Variants in RCAN2 observed in about 807,000 individuals in gnomAD.
RCAN2 encodes the protein calcipressin-2.
In RCAN2, 9 loss-of-function variants were observed where a neutral mutation model predicts 23.6. That is an observed-to-expected ratio of 0.38 (90% CI 0.23 to 0.67). RCAN2 has a LOEUF of 0.67. Ranked by LOEUF, RCAN2 falls within the 30% of genes least tolerant of loss-of-function variation. The pLI is 0.51. For missense variants in RCAN2, 273 were observed against 302.3 expected, an observed-to-expected ratio of 0.90 and a Z score of 0.72; for synonymous variants, 109 against 115.7, an observed-to-expected ratio of 0.94 and a Z score of 0.37.
chr6:46,306,005 G>T (rs1561851162), intron 2 of RCAN2, among the ~76,000 whole-genome samples: 1 of 151,878 alleles, frequency 6.6e-6, no homozygotes, highest in Non-Finnish European at 1.5e-5. Context: ...TGCTGAGGTG[G>T]TCAAGAGAGA....
intron 2 of RCAN2, among the ~76,000 whole-genome samples, chr6:46,288,441 A>T (rs1762438978): frequency 6.6e-6 from 1 of 152,226 alleles, no homozygotes; most frequent in Non-Finnish European, 1.5e-5. Context: ...TTTAAAGCAG[A>T]TCTTGAGTTC....
intron 1 of RCAN2, among the ~76,000 whole-genome samples, chr6:46,486,562 A>G (rs1388320557): frequency 2.0e-5 from 3 of 152,234 alleles, no homozygotes; most frequent in South Asian, 2.1e-4. Context: ...TCTCAGTTAC[A>G]TGATATAATA....
intron 4 of RCAN2, among the ~76,000 whole-genome samples, chr6:46,233,892 T>C (rs1765997542): frequency 6.6e-6 from 1 of 152,052 alleles, no homozygotes; most frequent in Non-Finnish European, 1.5e-5. Flanking sequence ...CACACCCGGC[T>C]AATTTTTTGT....
intron 2 of RCAN2, among the ~76,000 whole-genome samples, chr6:46,440,447 G>A (rs1172048099): frequency 6.6e-6 from 1 of 151,178 alleles, no homozygotes; most frequent in Admixed American, 6.6e-5. Context: ...TATTAACTTA[G>A]GTGATTTTTT....
chr6:46,331,199 T>A (rs768227373), intron 2 of RCAN2, among the ~76,000 whole-genome samples: 1 of 152,190 alleles, frequency 6.6e-6, no homozygotes, highest in African/African-American at 2.4e-5. Context: ...AATTAAAAAC[T>A]TTTTATGAGA....
chr6:46,440,801 G>T (rs1767518246), intron 2 of RCAN2, among the ~76,000 whole-genome samples: 1 of 152,094 alleles, frequency 6.6e-6, no homozygotes, highest in South Asian at 2.1e-4. Flanking sequence ...AAGTCTTCCT[G>T]GAACTAGTTC....
chr6:46,385,654 C>T (rs936015872), intron 2 of RCAN2, among the ~76,000 whole-genome samples: 19 of 151,718 alleles, frequency 1.3e-4, no homozygotes, highest in African/African-American at 3.6e-4. Context: ...GTCAGGAGTT[C>T]GAGACCAGCC....
intron 2 of RCAN2, among the ~76,000 whole-genome samples, chr6:46,352,879 G>A (rs1174001937): frequency 6.6e-6 from 1 of 152,156 alleles, no homozygotes; most frequent in Non-Finnish European, 1.5e-5. Flanking sequence ...TAACCCACAC[G>A]ATGGGCAGGT....
intron 2 of RCAN2, among the ~76,000 whole-genome samples, chr6:46,345,067 A>C (rs1764441859): frequency 6.6e-6 from 1 of 152,060 alleles, no homozygotes; most frequent in South Asian, 2.1e-4. Flanking sequence ...GAAAGTAAAA[A>C]TTAGAAAAAT....
chr6:46,425,734 T>C (rs1767013183), intron 2 of RCAN2, among the ~76,000 whole-genome samples: 1 of 152,108 alleles, frequency 6.6e-6, no homozygotes, highest in Admixed American at 6.6e-5. Flanking sequence ...AAACAGCATA[T>C]ATCAAAATCT....
chr6:46,441,007 A>C (rs1767525887), intron 2 of RCAN2, among the ~76,000 whole-genome samples: 1 of 152,220 alleles, frequency 6.6e-6, no homozygotes, highest in African/African-American at 2.4e-5. Context: ...TTCCATAGAC[A>C]TGTGCTCTCT....
intron 2 of RCAN2, among the ~76,000 whole-genome samples, chr6:46,306,528 G>C (rs79395362): frequency 7.5e-4 from 114 of 152,282 alleles, no homozygotes; most frequent in Non-Finnish European, 1.2e-3. Context: ...GGCAGTGATG[G>C]TGACATTTAC....
intron 2 of RCAN2, among the ~76,000 whole-genome samples, chr6:46,271,239 G>A (rs1767515185): frequency 6.6e-6 from 1 of 152,126 alleles, no homozygotes; most frequent in South Asian, 2.1e-4. Flanking sequence ...GGCTTGACAG[G>A]GCTGAAATCT....
chr6:46,286,470 A>G (rs1193991207), intron 2 of RCAN2, among the ~76,000 whole-genome samples: 1 of 152,218 alleles, frequency 6.6e-6, no homozygotes, highest in Non-Finnish European at 1.5e-5. Context: ...CAAATGTACT[A>G]TCTTTACACA....
At chr6:46,360,025 G>C (rs1764956390) in intron 2 of RCAN2, among the ~76,000 whole-genome samples, 1 of 152,020 alleles carries the variant, frequency 6.6e-6, no homozygotes, top group Non-Finnish European at 1.5e-5. Context: ...ACTACTAATA[G>C]GCTCTGAAAA....
intron 2 of RCAN2, among the ~76,000 whole-genome samples, chr6:46,293,763 G>A (rs1762637180): frequency 6.6e-6 from 1 of 152,120 alleles, no homozygotes; most frequent in Admixed American, 6.6e-5. Flanking sequence ...AGCACAGAAA[G>A]GGCTAGATAA....
chr6:46,439,890 G>C (rs113558823), intron 2 of RCAN2, among the ~76,000 whole-genome samples: 1 of 152,224 alleles, frequency 6.6e-6, no homozygotes, highest in African/African-American at 2.4e-5. Flanking sequence ...AAAGAGGCTA[G>C]TTGAAGAGTG....
At chr6:46,486,930 C>T (rs769753715) in intron 1 of RCAN2, among the ~76,000 whole-genome samples, 42 of 152,190 alleles carry the variant, frequency 2.8e-4, no homozygotes, top group South Asian at 6.2e-4. Context: ...GAGTTTAAAG[C>T]TGCTTCCATC....
At chr6:46,262,006 C>G (rs1302460610) in intron 2 of RCAN2, among the ~76,000 whole-genome samples, 1 of 152,104 alleles carries the variant, frequency 6.6e-6, no homozygotes, top group Non-Finnish European at 1.5e-5. Context: ...AGTAGGTAAG[C>G]CCCTCCTATC....
Sources: allele counts gnomAD v4.1 joint callset (sites outside exome capture counted in the v4.1 genomes callset), GRCh38; gene constraint gnomAD v4.1.1; transcripts MANE v1.5; gene names NCBI Gene and HGNC (gene_info 2026-07-23, HGNC 2026-07-21).